Variants in TTC12 observed in about 807,000 individuals in gnomAD.
TTC12 encodes the protein tetratricopeptide repeat protein 12.
TTC12 carries 70 observed loss-of-function variants against 90.1 expected under a neutral mutation model. That is an observed-to-expected ratio of 0.78 (90% CI 0.64 to 0.95). The LOEUF (loss-of-function observed/expected upper bound fraction) is 0.95. TTC12 is among the 40% of genes least tolerant of loss of function. The pLI, the probability that TTC12 is intolerant of heterozygous loss-of-function variation, is 0.00. For synonymous variants in TTC12, 296 were observed against 311.5 expected (o/e 0.95, Z 0.53); for missense variants, 819 against 846.1 (o/e 0.97, Z 0.40).
intron 2 of TTC12, among the ~76,000 whole-genome samples, chr11:113,322,223 G>T (rs1192494937): frequency 1.3e-5 from 2 of 152,346 alleles, no homozygotes; most frequent in African/African-American, 4.8e-5. Flanking sequence ...AAGTTTAATT[G>T]TGAAGGGGAG....
intron 13 of TTC12, among the ~76,000 whole-genome samples, chr11:113,347,763 A>G (rs1949053673): frequency 6.6e-6 from 1 of 152,202 alleles, no homozygotes; most frequent in Non-Finnish European, 1.5e-5. Flanking sequence ...AAGTGGCTAA[A>G]TAGATCCAGC....
At position 113,366,308 on chromosome 11, in the gene TTC12, A is replaced by G. The variant is rs754428390; in HGVS notation, c.*8A>G. The G allele has an allele frequency of 6.2e-6, 10 of 1,613,284 alleles. No individual in the cohort carries two copies. The East Asian group carries it at 8.9e-5, about 14-fold the overall frequency. ...TACATCAGTGATTCTTGAGAGAGACAGGGTTTGTGTGCATTTGGGGAACAC... is the reference window on the plus strand; with the variant it reads ...TACATCAGTGATTCTTGAGAGAGACGGGGTTTGTGTGCATTTGGGGAACAC... On this transcript the variant is annotated 3_prime_UTR_variant, in exon 22 of 22. Transcript: ENST00000529221.
At chr11:113,355,102 T>C (rs1949547391) in intron 16 of TTC12, among the ~76,000 whole-genome samples, 1 of 152,174 alleles carries the variant, frequency 6.6e-6, no homozygotes, top group Non-Finnish European at 1.5e-5. Flanking sequence ...TTTTTTTGAT[T>C]GGTAGGCTCT....
intron 15 of TTC12, 53 bp from the exon 16 acceptor site, chr11:113,352,017 C>T (rs1028803836): frequency 2.4e-5 from 38 of 1,590,922 alleles, no homozygotes; most frequent in Non-Finnish European, 3.2e-5. Flanking sequence ...AGAGATCATG[C>T]GGCATCCTTT....
intron 11 of TTC12, 124 bp from the exon 12 acceptor site, chr11:113,341,713 A>G: frequency 3.9e-6 from 3 of 776,470 alleles, no homozygotes; most frequent in Non-Finnish European, 4.5e-6. Flanking sequence ...ATGGCTCTGG[A>G]TTATAAAACT....
intron 2 of TTC12, among the ~76,000 whole-genome samples, chr11:113,321,161 A>C (rs1305664877): frequency 2.0e-5 from 3 of 152,246 alleles, no homozygotes; most frequent in East Asian, 1.9e-4. Context: ...ATTCCAATCA[A>C]ATTCAGCGAA....
intron 12 of TTC12, among the ~76,000 whole-genome samples, chr11:113,344,037 G>A (rs1354529976): frequency 6.6e-6 from 1 of 152,152 alleles, no homozygotes. Context: ...AGGTAGGAAC[G>A]TAATCCTCAT....
intron 16 of TTC12, among the ~76,000 whole-genome samples, chr11:113,358,032 G>A (rs1437764064): frequency 1.3e-5 from 2 of 152,222 alleles, no homozygotes; most frequent in African/African-American, 4.8e-5. Context: ...CCCTGCTGAT[G>A]ACTGTGTGTG....
In TTC12 at chr11:113,329,943, T is replaced by C; in HGVS notation, c.468T>C (p.Tyr156=). ...AGGCTTATATGAAACTTGAGGACTA[T>C]GAGAAGGCACTGGTGGATTGTGAGT... The part of the protein sequence containing the change: ...RAQAYMKLED[Y]EKALVDCEWA... The change falls in exon 7 of 22, where the codon TAT becomes TAC. Residue 156 remains tyrosine (Y), a synonymous_variant. Transcript: ENST00000529221. 1 of 1,613,810 alleles carries C rather than the reference T, an allele frequency of 6.2e-7. No homozygotes were observed. The highest frequency in any genetic ancestry group is 8.5e-7 in the Non-Finnish European group (1 of 1,179,668).
At position 113,352,128 on chromosome 11, in the gene TTC12, G is replaced by T. The variant is rs1044253381; in HGVS notation, c.1367G>T (p.Gly456Val). 2 of 1,614,248 alleles carry T rather than the reference G, an allele frequency of 1.2e-6. No homozygotes were observed. Among genetic ancestry groups the T allele is most frequent in the Non-Finnish European group, 1.7e-6 (2 of 1,180,030 alleles). ...SALCQCIAIM[G>V]NLSAEPTTRR... is the part of the protein sequence containing the mutation. ...CTGTGCCAGTGCATTGCCATCATGG[G>T]AAACCTCAGTGCTGAGCCCACTACC... Residue 456 changes from glycine to valine, a missense_variant, in exon 16 of 22, where the codon GGA becomes GTA. Coordinates refer to ENST00000529221, the MANE Select transcript of TTC12 (RefSeq NM_017868.4).
At chr11:113,317,598 A>T (rs1555136270) in intron 2 of TTC12, among the ~76,000 whole-genome samples, 2 of 152,076 alleles carry the variant, frequency 1.3e-5, no homozygotes, top group African/African-American at 4.8e-5. Flanking sequence ...TGACCCAGAC[A>T]CTTCTCTGCT....
chr11:113,349,229 G>C (rs893515570), intron 13 of TTC12, among the ~76,000 whole-genome samples: 1 of 152,190 alleles, frequency 6.6e-6, no homozygotes, highest in Non-Finnish European at 1.5e-5. Flanking sequence ...CCACCAGTGA[G>C]ACTCTGGTCC....
chr11:113,327,534 C>G (rs1181141519), intron 6 of TTC12, among the ~76,000 whole-genome samples: 1 of 151,998 alleles, frequency 6.6e-6, no homozygotes, highest in African/African-American at 2.4e-5. Flanking sequence ...TTAGATAAAT[C>G]TGGAGTTTAA....
At chr11:113,364,119 G>T (rs1028600590) in intron 20 of TTC12, among the ~76,000 whole-genome samples, 192 bp downstream of exon 20, 1 of 152,222 alleles carries the variant, frequency 6.6e-6, no homozygotes, top group Non-Finnish European at 1.5e-5. Context: ...ATGCACACAG[G>T]TAGAATGCCC....
chr11:113,323,775 G>T (rs562969284), intron 3 of TTC12, among the ~76,000 whole-genome samples: 1 of 152,164 alleles, frequency 6.6e-6, no homozygotes, highest in African/African-American at 2.4e-5. Context: ...CCTTGACCTG[G>T]GCAGCCTTGT....
chr11:113,368,722 A>C (rs1400003883), downstream of TTC12: 1 of 562,162 alleles, frequency 1.8e-6, no homozygotes, highest in African/African-American at 1.9e-5. Context: ...ACGGGCTGCT[A>C]TTGTAAACAC....
intron 14 of TTC12, among the ~76,000 whole-genome samples, chr11:113,350,576 C>A (rs1949220377): frequency 6.6e-6 from 1 of 152,226 alleles, no homozygotes; most frequent in Non-Finnish European, 1.5e-5. Flanking sequence ...TCTGGGGTTG[C>A]CAGTGACATT....
intron 2 of TTC12, among the ~76,000 whole-genome samples, chr11:113,319,098 T>C (rs1178230871): frequency 6.6e-6 from 1 of 152,186 alleles, no homozygotes; most frequent in Non-Finnish European, 1.5e-5. Context: ...CAATTTCAGA[T>C]AGATGATCAA....
intron 14 of TTC12, 33 bp downstream of exon 14, chr11:113,350,198 T>TA: frequency 6.8e-7 from 1 of 1,481,462 alleles, no homozygotes; most frequent in Non-Finnish European, 9.4e-7. Context: ...TTGACATTTC[T>TA]TCTTCAGTCT....
Sources: gnomAD v4.1 joint callset for allele counts (sites outside exome capture counted in the v4.1 genomes callset) on GRCh38, gnomAD v4.1.1 for gene constraint, MANE v1.5 for transcripts, NCBI Gene and HGNC (gene_info 2026-07-23, HGNC 2026-07-21) for gene names.